The following FMN1 variants were observed in gnomAD, a reference collection of about 807,000 sequenced individuals.
The protein encoded by FMN1 is formin 1.
Under a neutral mutation model 132.4 loss-of-function variants are expected in FMN1, and 110 were observed. The ratio of observed to expected loss-of-function variants is 0.83; its 90% CI spans 0.71 to 0.97. The LOEUF is 0.97. FMN1 is among the 50% of genes least tolerant of loss of function. The pLI is 0.00. For missense variants in FMN1, 1,792 were observed against 1,705.3 expected, an observed-to-expected ratio of 1.05 and a Z score of -0.90; for synonymous variants, 722 against 651.7, an observed-to-expected ratio of 1.11 and a Z score of -1.64.
intron 4 of FMN1, among the ~76,000 whole-genome samples, chr15:33,136,557 T>A (rs1963775027): frequency 6.6e-6 from 1 of 152,146 alleles, no homozygotes; most frequent in Non-Finnish European, 1.5e-5. Context: ...ATGTTTTAGT[T>A]ATTTCCTCCT....
intron 16 of FMN1, among the ~76,000 whole-genome samples, chr15:32,878,469 A>C (rs2059689210): frequency 6.6e-6 from 1 of 152,212 alleles, no homozygotes; most frequent in Non-Finnish European, 1.5e-5. Flanking sequence ...CTTGGATTAC[A>C]AAAGCAGTAG....
intron 16 of FMN1, among the ~76,000 whole-genome samples, chr15:32,866,364 A>C (rs1396334480): frequency 6.6e-6 from 1 of 152,222 alleles, no homozygotes; most frequent in African/African-American, 2.4e-5. Flanking sequence ...CTTGATACAT[A>C]AAATCTTGTG....
At chr15:33,017,378 C>G (rs2035113589) in intron 6 of FMN1, among the ~76,000 whole-genome samples, 1 of 151,768 alleles carries the variant, frequency 6.6e-6, no homozygotes, top group Non-Finnish European at 1.5e-5. Context: ...AATGCTAATA[C>G]TAAGGGAAAG....
At chr15:32,931,305 ATTCT>A (rs1258698503) in intron 9 of FMN1, among the ~76,000 whole-genome samples, 2 of 152,198 alleles carry the variant, frequency 1.3e-5, no homozygotes, top group African/African-American at 4.8e-5. Context: ...AATAATATTA[ATTCT>A]TTCAATCCAT....
chr15:33,092,626 G>C (rs1477809089), intron 4 of FMN1, among the ~76,000 whole-genome samples: 1 of 152,166 alleles, frequency 6.6e-6, no homozygotes, highest in Non-Finnish European at 1.5e-5. Context: ...CTGGAGCCAA[G>C]CTCAGTCAAA....
chr15:33,137,567 A>T (rs2468744), intron 4 of FMN1, among the ~76,000 whole-genome samples: 118,246 of 152,114 alleles, frequency 0.78, 46,961 homozygotes, highest in East Asian at 0.89. Flanking sequence ...AGAAGTGTCC[A>T]CATTTCTTCC....
chr15:32,987,577 T>C (rs1036377252), intron 7 of FMN1, among the ~76,000 whole-genome samples: 4 of 152,132 alleles, frequency 2.6e-5, no homozygotes, highest in Non-Finnish European at 5.9e-5. Flanking sequence ...AGAAAAAAAC[T>C]TTGATTTTTA....
chr15:33,106,571 T>G (rs1435478913), intron 4 of FMN1, among the ~76,000 whole-genome samples: 3 of 152,058 alleles, frequency 2.0e-5, no homozygotes, highest in Non-Finnish European at 2.9e-5. Context: ...CAGAAAACAC[T>G]CTTTCCATCC....
At chr15:32,998,425 G>A (rs1277338793) in intron 7 of FMN1, among the ~76,000 whole-genome samples, 1 of 152,202 alleles carries the variant, frequency 6.6e-6, no homozygotes, top group African/African-American at 2.4e-5. Context: ...CTTTTCCCAG[G>A]CCAGAAATGA....
At chr15:33,127,025 G>A (rs1022990989) in intron 4 of FMN1, among the ~76,000 whole-genome samples, 1 of 152,168 alleles carries the variant, frequency 6.6e-6, no homozygotes, top group East Asian at 1.9e-4. Context: ...TGAGAAAACT[G>A]CAAGATGCAT....
chr15:32,804,555 G>A (rs2057604064), intron 17 of FMN1, among the ~76,000 whole-genome samples: 1 of 147,946 alleles, frequency 6.8e-6, no homozygotes, highest in Non-Finnish European at 1.5e-5. Flanking sequence ...GGGTACATGT[G>A]CACTACGTGC....
rs1414412215 is a variant in FMN1, at chr15:32,772,066, C to T, written c.*2244G>A. 1 of 152,156 alleles carries T rather than the reference C, an allele frequency of 6.6e-6. No individual in the cohort carries two copies. The highest frequency in any genetic ancestry group is 1.5e-5 in the Non-Finnish European group (1 of 68,008). The allele number at this position is 152,156 out of a possible 1,614,324, so 9.4% of individuals were successfully genotyped here. A position where few individuals can be genotyped will look rare whatever the true frequency, so the allele number is the denominator to read the frequency against. ...GTTTCCCCAACCGAGGCAGGCAAAC[C>T]TTGCTTTGTAGAAATAGGTATTTTA... On this transcript the variant is annotated 3_prime_UTR_variant, in exon 21 of 21. Transcript: ENST00000616417.
intron 6 of FMN1, among the ~76,000 whole-genome samples, chr15:33,008,903 G>A (rs191978684): frequency 2.4e-4 from 36 of 152,262 alleles, no homozygotes; most frequent in African/African-American, 8.4e-4. Context: ...AATGTGTTTG[G>A]GGTCATGAGT....
intron 10 of FMN1, 88 bp downstream of exon 10, chr15:32,926,086 C>A (rs191128270): frequency 2.7e-6 from 2 of 750,140 alleles, no homozygotes; most frequent in East Asian, 5.5e-5. Context: ...TTAGGGCATT[C>A]TAACTTTGTA....
chr15:33,092,026 C>T (rs775063674), intron 4 of FMN1, among the ~76,000 whole-genome samples: 8 of 152,182 alleles, frequency 5.3e-5, no homozygotes, highest in African/African-American at 1.9e-4. Context: ...TCCTCAAAGA[C>T]ATTTCAACAG....
intron 5 of FMN1, among the ~76,000 whole-genome samples, chr15:33,065,713 T>C (rs2037693651): frequency 2.0e-5 from 3 of 152,190 alleles, no homozygotes; most frequent in Non-Finnish European, 4.4e-5. Context: ...TTTAAATATA[T>C]AGGAGGAATG....
rs889045736 is a variant in FMN1 at position 33,148,691 on chromosome 15, C to T, written c.1867+4357G>A. 2.6e-5 allele frequency among the ~76,000 whole-genome samples: 4 copies of T among 152,182 alleles called. No individual in the cohort carries two copies. The South Asian group carries it at 8.3e-4, about 31-fold the overall frequency. ...CAGTGACCACGCACGCCTTCCCTTG[C>T]GCCTTCAGCCTTGCAGGTATCTGTT... is the stretch of plus-strand genomic sequence containing the variant. On this transcript the variant is annotated intron_variant, in intron 4 of 20. Coordinates refer to ENST00000616417, the MANE Select transcript of FMN1 (RefSeq NM_001277313.2).
intron 4 of FMN1, chr15:33,151,369 C>G: frequency 1.4e-5 from 21 of 1,536,600 alleles, no homozygotes; most frequent in Non-Finnish European, 1.8e-5. Context: ...GCTGAAGATC[C>G]CAATGGAAGG....
intron 2 of FMN1, among the ~76,000 whole-genome samples, chr15:33,192,204 G>T (rs1228615730): frequency 6.6e-6 from 1 of 152,222 alleles, no homozygotes; most frequent in Non-Finnish European, 1.5e-5. Context: ...ACTAGACTTT[G>T]AGGCATGGTA....
Sources: gnomAD v4.1 joint callset for allele counts (sites outside exome capture counted in the v4.1 genomes callset) on GRCh38, gnomAD v4.1.1 for gene constraint, MANE v1.5 for transcripts, NCBI Gene and HGNC (gene_info 2026-07-23, HGNC 2026-07-21) for gene names.